Variants in KCNH7 observed in about 807,000 individuals in gnomAD.
KCNH7 encodes the protein voltage-gated inwardly rectifying potassium channel KCNH7.
KCNH7 carries 49 observed loss-of-function variants against 120.8 expected under a neutral mutation model. That is an observed-to-expected ratio of 0.41 (90% confidence interval 0.32 to 0.51). The LOEUF (loss-of-function observed/expected upper bound fraction) is 0.51. Among genes scored for constraint, KCNH7 ranks in the 20% least tolerant of loss-of-function variants. KCNH7 has a pLI of 0.38. For synonymous variants in KCNH7, 547 were observed against 516.1 expected, an observed-to-expected ratio of 1.06 and a Z score of -0.81; for missense variants, 1,097 against 1,446.6, an observed-to-expected ratio of 0.76 and a Z score of 3.92.
chr2:162,832,285 C>T (rs1559154698), intron 2 of KCNH7, among the ~76,000 whole-genome samples: 1 of 152,052 alleles, frequency 6.6e-6, no homozygotes, highest in African/African-American at 2.4e-5. Context: ...CTCTTCTACA[C>T]AATCCAAGAA....
intron 2 of KCNH7, among the ~76,000 whole-genome samples, chr2:162,710,800 C>T (rs1399676833): frequency 3.3e-5 from 5 of 152,116 alleles, no homozygotes; most frequent in African/African-American, 1.2e-4. Flanking sequence ...GCAACCAGAT[C>T]TTCCAAGTTT....
chr2:162,672,440 T>A (rs1203820351), intron 2 of KCNH7, among the ~76,000 whole-genome samples: 1 of 152,008 alleles, frequency 6.6e-6, no homozygotes, highest in Non-Finnish European at 1.5e-5. Context: ...AATGAAACTT[T>A]AAAAATACTT....
chr2:162,705,044 T>C (rs966043941), intron 2 of KCNH7, among the ~76,000 whole-genome samples: 2 of 152,166 alleles, frequency 1.3e-5, no homozygotes, highest in East Asian at 3.8e-4. Context: ...TCATGTCTAT[T>C]ATCTTACATT....
chr2:162,768,896 G>A (rs184823174), intron 2 of KCNH7: 108 of 152,268 alleles, frequency 7.1e-4, no homozygotes, highest in African/African-American at 2.1e-3. Flanking sequence ...TTTCCACAGG[G>A]TTCTATGGTT....
At chr2:162,415,298 G>A (rs180945994) in intron 9 of KCNH7, among the ~76,000 whole-genome samples, 1 of 152,116 alleles carries the variant, frequency 6.6e-6, no homozygotes, top group African/African-American at 2.4e-5. Context: ...TTTTGCTTCA[G>A]TTTCTTTCTT....
At chr2:162,769,229 T>C (rs1336593897) in intron 2 of KCNH7, among the ~76,000 whole-genome samples, 2 of 145,428 alleles carry the variant, frequency 1.4e-5, no homozygotes, top group East Asian at 2.0e-4. Context: ...GCCTTAAAAC[T>C]GGAAACGCTC....
intron 2 of KCNH7, among the ~76,000 whole-genome samples, chr2:162,613,830 C>T (rs79453057): frequency 0.022 from 3,411 of 151,906 alleles, 122 homozygotes; most frequent in East Asian, 0.18. Context: ...AAAGGGTAAT[C>T]GTAGACAAAT....
chr2:162,379,433 TA>T (rs1460268924), intron 14 of KCNH7, among the ~76,000 whole-genome samples: 1 of 152,210 alleles, frequency 6.6e-6, no homozygotes, highest in Admixed American at 6.5e-5. Context: ...ACTGAATAAC[TA>T]AAAGTTTAAA....
intron 2 of KCNH7, among the ~76,000 whole-genome samples, chr2:162,664,907 A>C (rs186810297): frequency 3.3e-5 from 5 of 152,118 alleles, no homozygotes; most frequent in African/African-American, 1.2e-4. Context: ...ACATATCACT[A>C]TTATAGGGCT....
chr2:162,506,241 A>G (rs1010435316), intron 5 of KCNH7, among the ~76,000 whole-genome samples: 9 of 151,840 alleles, frequency 5.9e-5, no homozygotes, highest in Non-Finnish European at 1.3e-4. Context: ...AAAGATAGAA[A>G]TAAGAGCCAA....
chr2:162,417,226 G>T (rs1687568262), intron 9 of KCNH7, among the ~76,000 whole-genome samples: 1 of 152,168 alleles, frequency 6.6e-6, no homozygotes, highest in Non-Finnish European at 1.5e-5. Flanking sequence ...TTAGGTTTAA[G>T]AAATGCTGAG....
chr2:162,607,854 C>A (rs182216773), intron 2 of KCNH7, among the ~76,000 whole-genome samples: 1 of 151,404 alleles, frequency 6.6e-6, no homozygotes, highest in African/African-American at 2.4e-5. Context: ...TAGATTTTAC[C>A]AAAATAAGTT....
At chr2:162,478,694 G>C (rs926148015) in intron 6 of KCNH7, among the ~76,000 whole-genome samples, 1 of 152,088 alleles carries the variant, frequency 6.6e-6, no homozygotes, top group Non-Finnish European at 1.5e-5. Context: ...AGGTTTTGAA[G>C]GCCTTATGAC....
chr2:162,456,835 T>A (rs1688979036), intron 6 of KCNH7, among the ~76,000 whole-genome samples: 2 of 152,162 alleles, frequency 1.3e-5, no homozygotes, highest in Admixed American at 1.3e-4. Flanking sequence ...ACCCCTGCTT[T>A]TTTTTGCTTC....
chr2:162,728,079 A>G (rs927757073), intron 2 of KCNH7, among the ~76,000 whole-genome samples: 2 of 151,990 alleles, frequency 1.3e-5, no homozygotes, highest in African/African-American at 4.8e-5. Context: ...AATTAATTTT[A>G]TTTTAAAAAC....
intron 3 of KCNH7, chr2:162,528,503 A>T (rs771488426): frequency 6.6e-6 from 1 of 151,974 alleles, no homozygotes; most frequent in Non-Finnish European, 1.5e-5. Context: ...ATTTTAGTAG[A>T]GGGGACACCA....
At chr2:162,722,881 T>C (rs1427264219) in intron 2 of KCNH7, among the ~76,000 whole-genome samples, 12 of 150,176 alleles carry the variant, frequency 8.0e-5, no homozygotes, top group Admixed American at 2.6e-4. Context: ...GCTGACTTTT[T>C]TTTTAACCTA....
chr2:162,752,903 A>AAAAAAGAGAAGAAAAGAAAAG (rs1688612139), intron 2 of KCNH7, among the ~76,000 whole-genome samples: 22 of 32,020 alleles, frequency 6.9e-4, no homozygotes, highest in Non-Finnish European at 5.6e-3. Flanking sequence ...TACATCTCAG[A>AAAAAAGAGAAGAAAAGAAAAG]AAAAGAAAAG....
chr2:162,483,374 A>T (rs1180187660), intron 6 of KCNH7, among the ~76,000 whole-genome samples: 2 of 152,122 alleles, frequency 1.3e-5, no homozygotes, highest in African/African-American at 4.8e-5. Flanking sequence ...CGGGACATGT[A>T]TTTCCATATT....
Sources: allele counts gnomAD v4.1 joint callset (sites outside exome capture counted in the v4.1 genomes callset), GRCh38; gene constraint gnomAD v4.1.1; transcripts MANE v1.5; gene names NCBI Gene and HGNC (gene_info 2026-07-23, HGNC 2026-07-21).